HDAC9: variants seen among roughly 807,000 people sequenced by gnomAD.
The protein encoded by HDAC9 is MEF-2 interacting transcription repressor (MITR) protein.
Under a neutral mutation model 139.4 loss-of-function variants are expected in HDAC9, and 41 were observed. That is an observed-to-expected ratio of 0.29 (90% CI 0.23 to 0.38). The LOEUF is 0.38. Among genes scored for constraint, HDAC9 ranks in the 10% least tolerant of loss-of-function variants. The pLI, the probability that HDAC9 is intolerant of heterozygous loss-of-function variation, is 1.00. For missense variants in HDAC9, 1,147 were observed against 1,297.0 expected (o/e 0.88, Z 1.78); for synonymous variants, 517 against 476.2 (o/e 1.09, Z -1.12).
chr7:18,095,725 C>T (rs940561709), intron 1 of HDAC9, among the ~76,000 whole-genome samples: 2 of 152,020 alleles, frequency 1.3e-5, no homozygotes, highest in African/African-American at 4.8e-5. Context: ...AATTATAAAA[C>T]CAAACCCAAC....
intron 2 of HDAC9, among the ~76,000 whole-genome samples, chr7:18,538,540 A>G (rs1335220041): frequency 6.6e-6 from 1 of 152,228 alleles, no homozygotes; most frequent in Admixed American, 6.5e-5. Flanking sequence ...ATAGCTATTT[A>G]ACGGCCATGA....
intron 2 of HDAC9, among the ~76,000 whole-genome samples, chr7:18,280,193 T>G (rs1584981181): frequency 6.6e-6 from 1 of 152,190 alleles, no homozygotes; most frequent in Non-Finnish European, 1.5e-5. Flanking sequence ...GGCTCACCCA[T>G]GTAATCCGAG....
At chr7:18,745,172 A>G (rs1434473213) in intron 13 of HDAC9, among the ~76,000 whole-genome samples, 3 of 152,222 alleles carry the variant, frequency 2.0e-5, no homozygotes, top group Non-Finnish European at 4.4e-5. Flanking sequence ...AGAATGAAAG[A>G]GAGAGGGAAG....
At chr7:18,290,470 GA>G in exon 1 of HDAC9, 1 of 456,516 alleles carries the variant, frequency 2.2e-6, no homozygotes, top group South Asian at 1.5e-5. Flanking sequence ...GCTAGTTTGC[GA>G]AACCACAGCA....
chr7:18,421,194 G>A (rs1196329605), intron 1 of HDAC9, among the ~76,000 whole-genome samples: 1 of 152,102 alleles, frequency 6.6e-6, no homozygotes, highest in South Asian at 2.1e-4. Context: ...GTGTTTTCAA[G>A]AAATTATTTC....
intron 19 of HDAC9, 65 bp downstream of exon 19, chr7:18,829,613 T>A: frequency 9.6e-7 from 1 of 1,042,482 alleles, no homozygotes; most frequent in East Asian, 2.4e-5. Flanking sequence ...GATTTGTATT[T>A]CTCTGTTAGG....
chr7:18,677,544 A>T (rs1318896846), intron 12 of HDAC9, among the ~76,000 whole-genome samples: 2 of 151,930 alleles, frequency 1.3e-5, no homozygotes, highest in African/African-American at 4.8e-5. Flanking sequence ...TTAACTTTAT[A>T]GGAAGCTGCC....
chr7:18,563,452 G>A (rs555953785), intron 2 of HDAC9, among the ~76,000 whole-genome samples: 1 of 151,878 alleles, frequency 6.6e-6, no homozygotes, highest in Non-Finnish European at 1.5e-5. Flanking sequence ...GTTATTGTTA[G>A]CTTATTTTAG....
chr7:18,240,651 C>T lies in HDAC9; in HGVS notation c.25+78302C>T, dbSNP rs534531529. Among the ~76,000 whole-genome samples the T allele has an allele frequency of 2.6e-5, 4 of 152,182 alleles. No individual in the cohort carries two copies. In the East Asian group the frequency reaches 7.7e-4, roughly 29 times the overall value. The stretch of plus-strand genomic sequence containing the variant: ...CTATTAAAAGTCAGATCACGTTACT[C>T]CTCTGCTCACAACCATCCAGTGGCT... On this transcript the variant is annotated intron_variant, in intron 2 of 12. Transcript: ENST00000417496.
At chr7:18,216,167 A>C (rs1367407883) in intron 2 of HDAC9, among the ~76,000 whole-genome samples, 1 of 151,936 alleles carries the variant, frequency 6.6e-6, no homozygotes, top group Non-Finnish European at 1.5e-5. Flanking sequence ...AGTTTGAGAG[A>C]TAGAACAGAG....
At chr7:18,132,333 A>G (rs1168403711) in intron 1 of HDAC9, among the ~76,000 whole-genome samples, 2 of 152,190 alleles carry the variant, frequency 1.3e-5, no homozygotes, top group Non-Finnish European at 1.5e-5. Flanking sequence ...ATGAAGAATA[A>G]TAGGTAAAAT....
intron 1 of HDAC9, among the ~76,000 whole-genome samples, chr7:18,317,326 T>A (rs1799722982): frequency 6.6e-6 from 1 of 152,046 alleles, no homozygotes; most frequent in Non-Finnish European, 1.5e-5. Context: ...GCAGCCAGAT[T>A]TTCTTGACTA....
At chr7:18,112,338 T>C (rs1316884952) in intron 1 of HDAC9, among the ~76,000 whole-genome samples, 1 of 152,224 alleles carries the variant, frequency 6.6e-6, no homozygotes, top group East Asian at 1.9e-4. Flanking sequence ...GAGAAAGTGA[T>C]AGAGAAATTG....
At chr7:18,869,817 GTC>G (rs1318210077) in intron 21 of HDAC9, among the ~76,000 whole-genome samples, 1 of 151,858 alleles carries the variant, frequency 6.6e-6, no homozygotes, top group East Asian at 1.9e-4. Context: ...TGGATGGAGT[GTC>G]TCTCATCTCT....
intron 1 of HDAC9, among the ~76,000 whole-genome samples, chr7:18,435,009 G>T (rs971405783): frequency 2.7e-5 from 3 of 111,820 alleles, no homozygotes; most frequent in Non-Finnish European, 5.1e-5. Context: ...ATTGACAGTA[G>T]ACAGGAAAAA....
chr7:18,263,538 G>A (rs1438487128), intron 2 of HDAC9, among the ~76,000 whole-genome samples: 1 of 152,088 alleles, frequency 6.6e-6, no homozygotes, highest in East Asian at 1.9e-4. Context: ...TCCATAAGGA[G>A]CATGACCTTT....
At chr7:18,833,109 T>C (rs960788358) in intron 19 of HDAC9, among the ~76,000 whole-genome samples, 2 of 152,194 alleles carry the variant, frequency 1.3e-5, no homozygotes, top group Non-Finnish European at 2.9e-5. Context: ...GAGTTTAACC[T>C]TTATCACTAA....
chr7:18,835,496 G>C lies in HDAC9; in HGVS notation c.2496G>C (p.Gln832His). The C allele has an allele frequency of 6.2e-7, 1 of 1,613,564 alleles. No individual in the cohort carries two copies. The highest frequency in any genetic ancestry group is 8.5e-7 in the Non-Finnish European group (1 of 1,179,610). Residue 832 changes from glutamine to histidine, a missense_variant, in exon 20 of 26, where the codon CAG becomes CAC. Physicochemically the swap from Gln to His is conservative, Grantham distance 24. Coordinates refer to ENST00000686413, the MANE Select transcript of HDAC9 (RefSeq NM_178425.4). The part of the protein sequence containing the change: ...LDVHHGNGTQ[Q>H]AFYADPSILY... ...TTCACCATGGAAACGGTACCCAGCA[G>C]GCCTTTTATGCTGACCCCAGCATCC... is the stretch of plus-strand genomic sequence containing the variant.
At chr7:18,885,761 CT>C (rs1306073087) in intron 22 of HDAC9, among the ~76,000 whole-genome samples, 1 of 152,142 alleles carries the variant, frequency 6.6e-6, no homozygotes, top group African/African-American at 2.4e-5. Context: ...CCAACAATGA[CT>C]TTTTTGTGTA....
Sources: gnomAD v4.1 joint callset for allele counts (sites outside exome capture counted in the v4.1 genomes callset) on GRCh38, gnomAD v4.1.1 for gene constraint, MANE v1.5 for transcripts, NCBI Gene and HGNC (gene_info 2026-07-23, HGNC 2026-07-21) for gene names.